The following OPHN1 variants were observed in gnomAD, a reference collection of about 807,000 sequenced individuals.
The protein encoded by OPHN1 is oligophrenin 1.
OPHN1 carries 11 observed loss-of-function variants against 60.7 expected under a neutral mutation model. That is an observed-to-expected ratio of 0.18 (90% CI 0.11 to 0.30). The LOEUF (loss-of-function observed/expected upper bound fraction) is 0.30, where lower values mean the gene tolerates loss of function less well. Ranked by LOEUF, OPHN1 falls within the 10% of genes least tolerant of loss-of-function variation. The probability of loss-of-function intolerance (pLI) is 1.00; values close to 1 mark genes in which losing one functional copy is unlikely to be tolerated. For synonymous variants in OPHN1, 226 were observed against 222.6 expected (o/e 1.02, Z -0.14); for missense variants, 449 against 611.0 (o/e 0.73, Z 2.80).
In OPHN1 at chrX:68,212,227, T is replaced by G; in HGVS notation, c.598-15A>C. 2 of 1,061,847 alleles carry G rather than the reference T, an allele frequency of 1.9e-6. No homozygotes were observed. Among genetic ancestry groups the G allele is most frequent in the Non-Finnish European group, 2.6e-6 (2 of 764,341 alleles). The allele number at this position is 1,061,847 out of a possible 1,213,427, so 87.5% of individuals were successfully genotyped here. ...AAGGCCAAGACCTAGGGAAAACATG[T>G]AAAAATAACTTTATCACCAGCATCT... On this transcript the variant is annotated splice_polypyrimidine_tract_variant and intron_variant, in intron 7 of 24. Transcript: ENST00000355520.
intron 15 of OPHN1, among the ~76,000 whole-genome samples, chrX:68,144,278 C>T (rs1320258000): frequency 9.0e-6 from 1 of 110,647 alleles, no homozygotes; most frequent in Non-Finnish European, 1.9e-5. Context: ...AATCCTCTCA[C>T]GTTAGCCTCC....
intron 15 of OPHN1, among the ~76,000 whole-genome samples, chrX:68,154,994 A>C (rs2077303081): frequency 9.1e-6 from 1 of 110,068 alleles, no homozygotes; most frequent in African/African-American, 3.3e-5. Context: ...CCAGGTGACA[A>C]AAAGCATGCT....
At chrX:68,076,077 TTA>T (rs1175176648) in intron 19 of OPHN1, among the ~76,000 whole-genome samples, 1 of 110,445 alleles carries the variant, frequency 9.1e-6, no homozygotes, top group African/African-American at 3.3e-5. Flanking sequence ...AGAACTTGTA[TTA>T]TATATATATT....
chrX:68,086,193 A>AAAAAAAAG (rs57846782), intron 19 of OPHN1, among the ~76,000 whole-genome samples: 1 of 108,213 alleles, frequency 9.2e-6, no homozygotes, highest in African/African-American at 3.3e-5. Context: ...AAAAAAAAAA[A>AAAAAAAAG]GCAGAAATAA....
intron 15 of OPHN1, among the ~76,000 whole-genome samples, chrX:68,158,870 C>T (rs1045086898): frequency 8.9e-6 from 1 of 112,123 alleles, no homozygotes; most frequent in Non-Finnish European, 1.9e-5. Flanking sequence ...AGGACGGAAG[C>T]TCTACCCTAG....
Position 68,350,478 on chromosome X carries a change from C to CCTCCTTTCCTCCTTTCCTCCTTT in OPHN1, c.155-51383_155-51382insAAAGGAGGAAAGGAGGAAAGGAG, listed in dbSNP as rs1482178030. 4.0e-4 allele frequency among the ~76,000 whole-genome samples: 28 copies of CCTCCTTTCCTCCTTTCCTCCTTT among 69,840 alleles called. 1 individual carries two copies. The highest frequency in any genetic ancestry group is 2.2e-3 in the South Asian group (2 of 905). 60.6% of individuals were successfully genotyped at this position (69,840 alleles called of 115,157 possible). A position where few individuals can be genotyped will look rare whatever the true frequency, so the allele number is the denominator to read the frequency against. ...TCCCTTCCTTCCTTCCTTCCTCCCT[C>CCTCCTTTCCTCCTTTCCTCCTTT]CCTCCCTTCCTCCCTTCCTCCTTTC... On this transcript the variant is annotated intron_variant, in intron 2 of 24. Coordinates refer to ENST00000355520, the MANE Select transcript of OPHN1 (RefSeq NM_002547.3).
chrX:68,203,972 C>T (rs2077547332), intron 10 of OPHN1, among the ~76,000 whole-genome samples: 1 of 112,993 alleles, frequency 8.9e-6, no homozygotes, highest in Non-Finnish European at 1.9e-5. Context: ...AGGAAGTCTT[C>T]AAAGACATGA....
At chrX:68,200,386 A>C (rs1012687048) in intron 11 of OPHN1, among the ~76,000 whole-genome samples, 2 of 111,868 alleles carry the variant, frequency 1.8e-5, no homozygotes, top group African/African-American at 3.3e-5. Flanking sequence ...CAGGTACAAG[A>C]AACATAAATT....
intron 2 of OPHN1, among the ~76,000 whole-genome samples, chrX:68,336,263 C>G (rs1207350715): frequency 9.0e-6 from 1 of 111,236 alleles, no homozygotes; most frequent in Non-Finnish European, 1.9e-5. Flanking sequence ...GTGTTCACGC[C>G]TGTAATCCCA....
intron 2 of OPHN1, among the ~76,000 whole-genome samples, chrX:68,345,753 A>C (rs2078376038): frequency 8.9e-6 from 1 of 112,363 alleles, no homozygotes; most frequent in Admixed American, 9.5e-5. Flanking sequence ...ATACAATTCA[A>C]ATATGTATAC....
chrX:68,372,495 G>A (rs2078534382), intron 2 of OPHN1, among the ~76,000 whole-genome samples: 1 of 110,919 alleles, frequency 9.0e-6, no homozygotes, highest in African/African-American at 3.3e-5. Flanking sequence ...TGACAGTTTC[G>A]GCATCTGTAA....
intron 11 of OPHN1, among the ~76,000 whole-genome samples, chrX:68,200,776 T>G (rs1215734132): frequency 8.9e-6 from 1 of 112,019 alleles, no homozygotes; most frequent in East Asian, 2.8e-4. Context: ...CACATGATAT[T>G]GTAATTCACC....
chrX:68,267,143 T>C (rs1485370662), intron 5 of OPHN1, among the ~76,000 whole-genome samples: 3 of 110,879 alleles, frequency 2.7e-5, no homozygotes, highest in East Asian at 2.9e-4. Context: ...AACAAGGATA[T>C]CCAGGAATTG....
At chrX:68,098,197 C>T (rs945950677) in intron 18 of OPHN1, among the ~76,000 whole-genome samples, 2 of 111,348 alleles carry the variant, frequency 1.8e-5, no homozygotes, top group African/African-American at 3.3e-5. Flanking sequence ...GCCCACTGTG[C>T]TCATCTTAAC....
At chrX:68,154,539 C>T (rs1056304243) in intron 15 of OPHN1, among the ~76,000 whole-genome samples, 5 of 111,956 alleles carry the variant, frequency 4.5e-5, no homozygotes, top group African/African-American at 1.3e-4. Flanking sequence ...ATGCAAATAC[C>T]GGGATCATAA....
chrX:68,224,248 T>C (rs1255769689), intron 6 of OPHN1, among the ~76,000 whole-genome samples: 1 of 111,887 alleles, frequency 8.9e-6, no homozygotes, highest in Non-Finnish European at 1.9e-5. Context: ...TCTTATGAAA[T>C]ATACAATTAG....
chrX:68,406,716 G>A (rs772903342), intron 2 of OPHN1, among the ~76,000 whole-genome samples: 4 of 112,137 alleles, frequency 3.6e-5, no homozygotes, highest in East Asian at 5.5e-4. Flanking sequence ...GGAAAAGGTC[G>A]TAATATATGC....
intron 2 of OPHN1, among the ~76,000 whole-genome samples, chrX:68,377,964 T>A (rs1471481978): frequency 8.9e-6 from 1 of 111,961 alleles, no homozygotes; most frequent in Admixed American, 9.5e-5. Flanking sequence ...GATGGCTGGG[T>A]CAAATGGTAT....
At chrX:68,062,637 G>A (rs2076897337) in intron 21 of OPHN1, among the ~76,000 whole-genome samples, 1 of 111,656 alleles carries the variant, frequency 9.0e-6, no homozygotes, top group Non-Finnish European at 1.9e-5. Flanking sequence ...ATGGGGCCAG[G>A]TACATGGTCA....
Sources: allele counts gnomAD v4.1 joint callset (sites outside exome capture counted in the v4.1 genomes callset), GRCh38; gene constraint gnomAD v4.1.1; transcripts MANE v1.5; gene names NCBI Gene and HGNC (gene_info 2026-07-23, HGNC 2026-07-21).